The following GRAMD2B variants were observed in gnomAD, a reference collection of about 807,000 sequenced individuals.
The protein encoded by GRAMD2B is GRAM domain containing 2B.
GRAMD2B carries 41 observed loss-of-function variants against 59.2 expected under a neutral mutation model. The ratio of observed to expected loss-of-function variants is 0.69; its 90% confidence interval spans 0.54 to 0.90. GRAMD2B has a LOEUF of 0.90. Ranked by LOEUF, GRAMD2B falls within the 40% of genes least tolerant of loss-of-function variation. The pLI is 0.00. For missense variants in GRAMD2B, 424 were observed against 500.5 expected, an observed-to-expected ratio of 0.85 and a Z score of 1.46; for synonymous variants, 161 against 182.7, an observed-to-expected ratio of 0.88 and a Z score of 0.96.
chr5:126,492,783 C>T lies in GRAMD2B; in HGVS notation c.1258-132C>T, dbSNP rs1171606199. ...TATGAAAAAGCATCTATTTGCCTCA[C>T]CTAAATTTAACCCTTTTGTAGCTTT... On this transcript the variant is annotated intron_variant, in intron 13 of 13. Transcript: ENST00000285689. 3 of 586,286 alleles carry T rather than the reference C, an allele frequency of 5.1e-6. No individual in the cohort carries two copies. In the African/African-American group the frequency reaches 5.7e-5, roughly 11 times the overall value. 36.3% of individuals were successfully genotyped at this position (586,286 alleles called of 1,614,324 possible).
chr5:126,392,536 A>G (rs78712920), intron 1 of GRAMD2B, among the ~76,000 whole-genome samples: 1,615 of 152,240 alleles, frequency 0.011, 9 homozygotes, highest in Middle Eastern at 0.034. Context: ...CATACCTCAA[A>G]TTTGAGCTCC....
chr5:126,462,495 G>C (rs1385865553), intron 1 of GRAMD2B: 1 of 969,486 alleles, frequency 1.0e-6, no homozygotes, highest in Non-Finnish European at 1.2e-6. Context: ...TAACTTGCTT[G>C]AGCCTGTAGC....
At chr5:126,466,770 G>A (rs1488064254) in intron 2 of GRAMD2B, among the ~76,000 whole-genome samples, 1 of 152,070 alleles carries the variant, frequency 6.6e-6, no homozygotes, top group Non-Finnish European at 1.5e-5. Flanking sequence ...CTTCACAAAG[G>A]CACAAGGCAC....
At chr5:126,481,568 T>C (rs1207908688) in intron 8 of GRAMD2B, among the ~76,000 whole-genome samples, 1 of 152,188 alleles carries the variant, frequency 6.6e-6, no homozygotes, top group Non-Finnish European at 1.5e-5. Context: ...TTAATAGCAT[T>C]ATTCATCATA....
chr5:126,479,538 A>G (rs1259306058), intron 6 of GRAMD2B, among the ~76,000 whole-genome samples: 1 of 152,154 alleles, frequency 6.6e-6, no homozygotes, highest in Non-Finnish European at 1.5e-5. Context: ...TTTTCTTGCT[A>G]CCACCCTGTA....
chr5:126,423,791 TC>T (rs1290294669), intron 1 of GRAMD2B, 102 bp downstream of exon 1: 1 of 1,137,816 alleles, frequency 8.8e-7, no homozygotes, highest in East Asian at 2.8e-5. Context: ...TTTCTGGAGC[TC>T]CTATATGGAC....
chr5:126,480,799 G>A (rs1019075854), intron 8 of GRAMD2B, 92 bp downstream of exon 8: 5 of 1,159,496 alleles, frequency 4.3e-6, no homozygotes, highest in Non-Finnish European at 5.2e-6. Flanking sequence ...GGTGTGGGAA[G>A]AGCTTAGGAC....
At chr5:126,424,173 C>T (rs748206529) in intron 1 of GRAMD2B, among the ~76,000 whole-genome samples, 50 of 152,174 alleles carry the variant, frequency 3.3e-4, no homozygotes, top group Non-Finnish European at 4.4e-4. Flanking sequence ...TATTACTGTA[C>T]TTCAAGGGAC....
intron 1 of GRAMD2B, among the ~76,000 whole-genome samples, chr5:126,384,265 G>A (rs1015162250): frequency 6.6e-6 from 1 of 152,110 alleles, no homozygotes; most frequent in Non-Finnish European, 1.5e-5. Context: ...TACTATAGAA[G>A]GCAGACAATG....
intron 1 of GRAMD2B, among the ~76,000 whole-genome samples, chr5:126,453,616 T>A (rs185699594): frequency 6.0e-4 from 92 of 152,372 alleles, no homozygotes; most frequent in Non-Finnish European, 1.1e-3. Flanking sequence ...TACTTTGTTA[T>A]TTTCCAACTG....
chr5:126,396,923 T>C (rs2149732230), intron 1 of GRAMD2B, among the ~76,000 whole-genome samples: 1 of 152,332 alleles, frequency 6.6e-6, no homozygotes, highest in South Asian at 2.1e-4. Flanking sequence ...TCTCTTATGA[T>C]CAGTGATGTT....
intron 1 of GRAMD2B, among the ~76,000 whole-genome samples, chr5:126,443,699 A>G (rs1233435052): frequency 6.6e-6 from 1 of 152,248 alleles, no homozygotes; most frequent in Non-Finnish European, 1.5e-5. Context: ...AGACTCCATC[A>G]GTGACTTCAT....
At chr5:126,421,673 G>C (rs184657116), upstream of GRAMD2B, among the ~76,000 whole-genome samples, 28 of 152,250 alleles carry the variant, frequency 1.8e-4, no homozygotes, top group East Asian at 4.4e-3. Flanking sequence ...GAGCAAGCAG[G>C]CTACAAAAAG....
intron 5 of GRAMD2B, among the ~76,000 whole-genome samples, chr5:126,474,276 A>G (rs928584621): frequency 6.6e-6 from 1 of 152,228 alleles, no homozygotes; most frequent in African/African-American, 2.4e-5. Flanking sequence ...TTTGAGTAGT[A>G]GATGTGCCTT....
At chr5:126,463,383 A>ATTT (rs1767714612) in intron 1 of GRAMD2B, among the ~76,000 whole-genome samples, 1 of 152,176 alleles carries the variant, frequency 6.6e-6, no homozygotes, top group Non-Finnish European at 1.5e-5. Flanking sequence ...GAAAAGAGAT[A>ATTT]ATGTGTTTGT....
chr5:126,371,310 G>C, upstream of GRAMD2B: 1 of 1,132,466 alleles, frequency 8.8e-7, no homozygotes. Flanking sequence ...GCTAGATTGA[G>C]TCACATGAAG....
At chr5:126,481,191 T>TA (rs1181378327) in intron 8 of GRAMD2B, among the ~76,000 whole-genome samples, 1 of 42,580 alleles carries the variant, frequency 2.3e-5, no homozygotes, top group African/African-American at 1.2e-4. Flanking sequence ...GAATTAACTG[T>TA]AAAAAAAAAA....
chr5:126,400,704 G>C (rs545942484), intron 1 of GRAMD2B, among the ~76,000 whole-genome samples: 2 of 152,134 alleles, frequency 1.3e-5, no homozygotes, highest in African/African-American at 4.8e-5. Context: ...TATTTCTGAA[G>C]GACAGCTTTA....
intron 1 of GRAMD2B, chr5:126,433,929 A>G (rs994165901): frequency 2.0e-5 from 3 of 152,238 alleles, no homozygotes; most frequent in Non-Finnish European, 2.9e-5. Flanking sequence ...CCTGGAGCCA[A>G]TTCTTGGAAT....
Sources: allele counts gnomAD v4.1 joint callset (sites outside exome capture counted in the v4.1 genomes callset), GRCh38; gene constraint gnomAD v4.1.1; transcripts MANE v1.5; gene names NCBI Gene and HGNC (gene_info 2026-07-23, HGNC 2026-07-21).